DIP2B: variants seen among roughly 807,000 people sequenced by gnomAD.
DIP2B encodes DIP2 acetate--CoA ligase B (putative).
A neutral mutation model predicts 198.0 loss-of-function variants in DIP2B; 76 were observed. The observed-to-expected ratio is 0.38, with a 90% CI of 0.32 to 0.46. The LOEUF (loss-of-function observed/expected upper bound fraction) is 0.46, where lower values mean the gene tolerates loss of function less well. Among genes scored for constraint, DIP2B ranks in the 20% least tolerant of loss-of-function variants. The pLI is 0.99. For synonymous variants in DIP2B, 701 were observed against 739.1 expected, an observed-to-expected ratio of 0.95 and a Z score of 0.84; for missense variants, 1,559 against 1,978.4, an observed-to-expected ratio of 0.79 and a Z score of 4.02.
intron 1 of DIP2B, among the ~76,000 whole-genome samples, chr12:50,581,480 C>T (rs924041838): frequency 6.7e-6 from 1 of 149,094 alleles, no homozygotes; most frequent in Non-Finnish European, 1.5e-5. Context: ...CCTTGTTTGC[C>T]ACAAATTAGG....
At chr12:50,617,492 T>C (rs976427533) in intron 1 of DIP2B, among the ~76,000 whole-genome samples, 2 of 151,732 alleles carry the variant, frequency 1.3e-5, no homozygotes, top group African/African-American at 4.8e-5. Flanking sequence ...GGACACAGTT[T>C]CCACAGTTGG....
At chr12:50,571,076 G>GA (rs1435411103) in intron 1 of DIP2B, among the ~76,000 whole-genome samples, 2 of 151,846 alleles carry the variant, frequency 1.3e-5, no homozygotes, top group Non-Finnish European at 2.9e-5. Context: ...ATAGAGGTAT[G>GA]AAAAGAAAAT....
At chr12:50,512,867 C>A (rs765109130) in intron 1 of DIP2B, among the ~76,000 whole-genome samples, 1 of 152,100 alleles carries the variant, frequency 6.6e-6, no homozygotes, top group African/African-American at 2.4e-5. Context: ...ATTAGCCGGG[C>A]GTGGCGGCAT....
chr12:50,651,135 T>C (rs1243844538), intron 3 of DIP2B, among the ~76,000 whole-genome samples: 1 of 152,246 alleles, frequency 6.6e-6, no homozygotes, highest in Non-Finnish European at 1.5e-5. Context: ...TTATCTTCTC[T>C]GGAGAAATGT....
At chr12:50,698,541 A>G in intron 18 of DIP2B, 74 bp downstream of exon 18, 1 of 1,531,982 alleles carries the variant, frequency 6.5e-7, no homozygotes. Context: ...GATAAAATAC[A>G]GAATCCCAAA....
chr12:50,652,335 A>T (rs1218181223), intron 3 of DIP2B, among the ~76,000 whole-genome samples: 1 of 106,984 alleles, frequency 9.3e-6, no homozygotes, highest in Non-Finnish European at 1.8e-5. Flanking sequence ...ATATATATAT[A>T]ATATATATAA....
chr12:50,619,318 A>G (rs1312946933), intron 1 of DIP2B, among the ~76,000 whole-genome samples: 1 of 152,214 alleles, frequency 6.6e-6, no homozygotes, highest in Non-Finnish European at 1.5e-5. Context: ...CTTGGGAGAT[A>G]GGAATCCTGA....
At chr12:50,625,344 T>C (rs574479205) in intron 1 of DIP2B, among the ~76,000 whole-genome samples, 1 of 152,358 alleles carries the variant, frequency 6.6e-6, no homozygotes, top group East Asian at 1.9e-4. Context: ...TTTATCCTTA[T>C]TGCATTTGTT....
chr12:50,731,649 G>A, intron 31 of DIP2B, 112 bp downstream of exon 31: 2 of 1,299,688 alleles, frequency 1.5e-6, no homozygotes, highest in Non-Finnish European at 2.1e-6. Context: ...CCTTTTTCAA[G>A]TCACTCAGTT....
At chr12:50,560,519 AT>A (rs1368312006) in intron 1 of DIP2B, among the ~76,000 whole-genome samples, 2 of 151,778 alleles carry the variant, frequency 1.3e-5, no homozygotes, top group Non-Finnish European at 2.9e-5. Context: ...AGTGAGCTGA[AT>A]TCACTCCAGC....
intron 1 of DIP2B, among the ~76,000 whole-genome samples, chr12:50,579,796 G>C (rs1353970175): frequency 4.7e-5 from 7 of 148,490 alleles, no homozygotes; most frequent in Non-Finnish European, 1.0e-4. Context: ...ACTGCAGATT[G>C]AAAGTAAAGT....
intron 1 of DIP2B, among the ~76,000 whole-genome samples, chr12:50,603,768 A>G (rs1258191853): frequency 2.0e-5 from 3 of 152,044 alleles, no homozygotes; most frequent in African/African-American, 4.8e-5. Context: ...TAGTGCAGAG[A>G]AGAGAAGGGA....
intron 1 of DIP2B, among the ~76,000 whole-genome samples, chr12:50,507,414 T>G (rs1480573305): frequency 6.6e-6 from 1 of 152,192 alleles, no homozygotes; most frequent in Non-Finnish European, 1.5e-5. Context: ...AATCCAAAAG[T>G]CCCCATATCT....
At chr12:50,554,367 T>C (rs917546087) in intron 1 of DIP2B, among the ~76,000 whole-genome samples, 1 of 152,218 alleles carries the variant, frequency 6.6e-6, no homozygotes, top group Non-Finnish European at 1.5e-5. Context: ...CTAAATCATG[T>C]GGTATACTTT....
At chr12:50,675,513 G>T in intron 7 of DIP2B, 65 bp downstream of exon 7, 1 of 1,486,180 alleles carries the variant, frequency 6.7e-7, no homozygotes, top group Non-Finnish European at 9.2e-7. Flanking sequence ...GTTACTATGT[G>T]TTAGGTACTG....
At chr12:50,621,984 T>C (rs995311011) in intron 1 of DIP2B, among the ~76,000 whole-genome samples, 1 of 152,210 alleles carries the variant, frequency 6.6e-6, no homozygotes, top group Non-Finnish European at 1.5e-5. Context: ...TCTAACAGAT[T>C]GTCCCACGAT....
At chr12:50,622,701 T>G (rs757051695) in intron 1 of DIP2B, among the ~76,000 whole-genome samples, 7 of 152,192 alleles carry the variant, frequency 4.6e-5, no homozygotes, top group Non-Finnish European at 2.9e-5. Flanking sequence ...AACCTCTGCC[T>G]CCTGTGTTCA....
At chr12:50,619,225 C>G (rs539559383) in intron 1 of DIP2B, among the ~76,000 whole-genome samples, 27 of 152,284 alleles carry the variant, frequency 1.8e-4, no homozygotes, top group Non-Finnish European at 2.2e-4. Flanking sequence ...CAGAATTTTT[C>G]AGATGTTGTG....
chr12:50,677,850 G>A (rs1255978961), intron 7 of DIP2B, among the ~76,000 whole-genome samples: 1 of 152,016 alleles, frequency 6.6e-6, no homozygotes, highest in Non-Finnish European at 1.5e-5. Context: ...ACTACAGCCA[G>A]TAAGGGGAGT....
Sources: gnomAD v4.1 joint callset for allele counts (sites outside exome capture counted in the v4.1 genomes callset) on GRCh38, gnomAD v4.1.1 for gene constraint, MANE v1.5 for transcripts, NCBI Gene and HGNC (gene_info 2026-07-23, HGNC 2026-07-21) for gene names.